The following ZNF407 variants were observed in gnomAD, a reference collection of about 807,000 sequenced individuals.
The protein encoded by ZNF407 is zinc finger protein 407.
In ZNF407, 17 loss-of-function variants were observed where a neutral mutation model predicts 131.2. The ratio of observed to expected loss-of-function variants is 0.13; its 90% CI spans 0.09 to 0.19. The LOEUF (loss-of-function observed/expected upper bound fraction) is 0.19, where lower values mean the gene tolerates loss of function less well. ZNF407 is among the 10% of genes least tolerant of loss of function. ZNF407 has a pLI of 1.00. For synonymous variants in ZNF407, 1,156 were observed against 1,062.0 expected (o/e 1.09, Z -1.72); for missense variants, 2,681 against 2,830.6 (o/e 0.95, Z 1.20).
intron 4 of ZNF407, among the ~76,000 whole-genome samples, chr18:74,859,636 T>C (rs1299668099): frequency 2.6e-5 from 4 of 152,244 alleles, no homozygotes; most frequent in Admixed American, 6.5e-5. Flanking sequence ...GGAGAATTGC[T>C]TGATATTGGA....
intron 4 of ZNF407, among the ~76,000 whole-genome samples, chr18:74,784,925 G>A (rs1969675261): frequency 6.6e-6 from 1 of 152,170 alleles, no homozygotes; most frequent in South Asian, 2.1e-4. Context: ...AATCAGCTGG[G>A]TTTTGAATGA....
At chr18:75,015,032 T>G (rs536919918) in intron 8 of ZNF407, among the ~76,000 whole-genome samples, 6 of 152,222 alleles carry the variant, frequency 3.9e-5, no homozygotes, top group Non-Finnish European at 8.8e-5. Flanking sequence ...ATACATTCCT[T>G]TCCCCACCGC....
At chr18:74,731,325 G>A (rs1409829687) in intron 3 of ZNF407, among the ~76,000 whole-genome samples, 1 of 152,190 alleles carries the variant, frequency 6.6e-6, no homozygotes, top group East Asian at 1.9e-4. Context: ...CTCATGGATT[G>A]TACTAGTCGA....
intron 8 of ZNF407, among the ~76,000 whole-genome samples, chr18:75,004,420 G>C (rs1226627118): frequency 6.6e-6 from 1 of 152,222 alleles, no homozygotes; most frequent in East Asian, 1.9e-4. Context: ...GGTGAGCACT[G>C]TTGCGGGGGA....
At chr18:74,798,784 T>C (rs1435378351) in intron 4 of ZNF407, among the ~76,000 whole-genome samples, 3 of 152,130 alleles carry the variant, frequency 2.0e-5, no homozygotes, top group Admixed American at 6.5e-5. Context: ...GGAAAGATGA[T>C]CAAGGATTTT....
At chr18:74,825,565 T>G (rs1284590211) in intron 4 of ZNF407, among the ~76,000 whole-genome samples, 1 of 152,170 alleles carries the variant, frequency 6.6e-6, no homozygotes, top group Admixed American at 6.6e-5. Context: ...ACAATAAAAC[T>G]TAGTTTTAAT....
At chr18:74,914,689 G>A (rs1192448923) in intron 7 of ZNF407, among the ~76,000 whole-genome samples, 1 of 152,208 alleles carries the variant, frequency 6.6e-6, no homozygotes, top group African/African-American at 2.4e-5. Context: ...TGCAGGTGCT[G>A]AAATCCTCAT....
At chr18:74,678,021 A>G (rs966453107) in intron 3 of ZNF407, among the ~76,000 whole-genome samples, 4 of 151,978 alleles carry the variant, frequency 2.6e-5, no homozygotes, top group African/African-American at 7.3e-5. Context: ...GGATTTCACT[A>G]TGTTGGCCAT....
chr18:74,627,705 A>G (rs1983846061), intron 1 of ZNF407, among the ~76,000 whole-genome samples: 1 of 152,088 alleles, frequency 6.6e-6, no homozygotes, highest in African/African-American at 2.4e-5. Flanking sequence ...CTGTAATCAA[A>G]TAAGGTTGGA....
chr18:75,027,825 AG>A (rs1568305233), intron 8 of ZNF407, among the ~76,000 whole-genome samples: 2 of 152,180 alleles, frequency 1.3e-5, no homozygotes, highest in Non-Finnish European at 2.9e-5. Flanking sequence ...AAAGAAGTGA[AG>A]GAAACAGTGG....
At chr18:74,982,727 A>C (rs1316693248) in intron 8 of ZNF407, among the ~76,000 whole-genome samples, 4 of 152,264 alleles carry the variant, frequency 2.6e-5, no homozygotes, top group Admixed American at 6.5e-5. Context: ...AGCATCTAAC[A>C]AGCAGACATT....
intron 8 of ZNF407, among the ~76,000 whole-genome samples, chr18:75,015,401 T>C (rs1460200658): frequency 6.6e-6 from 1 of 151,070 alleles, no homozygotes; most frequent in Non-Finnish European, 1.5e-5. Context: ...TATTCCAAGA[T>C]CTCCACTCTA....
chr18:74,656,225 C>A (rs902722892), intron 3 of ZNF407, among the ~76,000 whole-genome samples: 1 of 151,864 alleles, frequency 6.6e-6, no homozygotes, highest in Non-Finnish European at 1.5e-5. Flanking sequence ...ACTTACAATT[C>A]AAAACTTTAG....
chr18:74,751,236 C>A (rs1330157134), intron 3 of ZNF407, among the ~76,000 whole-genome samples: 1 of 151,978 alleles, frequency 6.6e-6, no homozygotes, highest in Non-Finnish European at 1.5e-5. Context: ...AGCTTTTTAC[C>A]CCTTACATTG....
intron 6 of ZNF407, among the ~76,000 whole-genome samples, chr18:74,889,129 G>A (rs1158973926): frequency 6.6e-6 from 1 of 152,154 alleles, no homozygotes; most frequent in Non-Finnish European, 1.5e-5. Flanking sequence ...ACCCCAGGAG[G>A]AATAGGCTAC....
At chr18:74,881,749 A>G (rs1971241412) in intron 6 of ZNF407, among the ~76,000 whole-genome samples, 1 of 152,212 alleles carries the variant, frequency 6.6e-6, no homozygotes, top group Non-Finnish European at 1.5e-5. Context: ...CATGATGTGC[A>G]TTCTTGGTGA....
chr18:74,831,660 A>T (rs531243406), intron 4 of ZNF407, among the ~76,000 whole-genome samples: 2 of 152,280 alleles, frequency 1.3e-5, no homozygotes, highest in Admixed American at 6.5e-5. Flanking sequence ...TTATTCATCC[A>T]TCTGTGGTTA....
In ZNF407 at chr18:74,634,594, A is replaced by G. The variant is rs541051452; in HGVS notation, c.3575A>G (p.Tyr1192Cys). ...EMMSLTMSSN[Y>C]GSPSRFQNEN... ...ATGTCACTTACTATGTCCTCAAACT[A>G]TGGCTCCCCAAGCAGATTTCAAAAT... The change falls in exon 2 of 9, where the codon TAT becomes TGT. Residue 1192 changes from tyrosine (Y) to cysteine (C), a missense_variant. Tyr to Cys is a radical substitution (Grantham distance 194). Transcript: ENST00000299687. 9.1e-5 allele frequency: 147 copies of G among 1,613,920 alleles called. 2 individuals are homozygous for G. In the South Asian group the frequency reaches 1.3e-3, roughly 15 times the overall value.
chr18:74,940,810 C>T (rs1052355108), intron 8 of ZNF407, among the ~76,000 whole-genome samples: 4 of 152,162 alleles, frequency 2.6e-5, no homozygotes, highest in Non-Finnish European at 5.9e-5. Context: ...CTTTATTCAC[C>T]TCAGCCCCCT....
Sources: allele counts gnomAD v4.1 joint callset (sites outside exome capture counted in the v4.1 genomes callset), GRCh38; gene constraint gnomAD v4.1.1; transcripts MANE v1.5; gene names NCBI Gene and HGNC (gene_info 2026-07-23, HGNC 2026-07-21).